Variants in OR56A3 observed in about 807,000 individuals in gnomAD.
The protein encoded by OR56A3 is olfactory receptor 56A3.
In OR56A3, 23 loss-of-function variants were observed where a neutral mutation model predicts 17.5. That is an observed-to-expected ratio of 1.32 (90% CI 0.95 to 1.87). The LOEUF (loss-of-function observed/expected upper bound fraction) is 1.87. Ranked by LOEUF, OR56A3 falls within the 40% of genes most tolerant of loss-of-function variation. The pLI is 0.00. For missense variants in OR56A3, 366 were observed against 380.1 expected (o/e 0.96, Z 0.31); for synonymous variants, 175 against 150.6 (o/e 1.16, Z -1.19).
chr11:5,964,315 G>A, the OR56A3 span, among the ~76,000 whole-genome samples: 1 of 152,170 alleles, frequency 6.6e-6, no homozygotes, highest in East Asian at 1.9e-4. Flanking sequence ...GTTGATGTCT[G>A]CCCATTGAAA....
chr11:5,963,256 G>C, the OR56A3 span, among the ~76,000 whole-genome samples: 1 of 151,958 alleles, frequency 6.6e-6, no homozygotes, highest in Non-Finnish European at 1.5e-5. Flanking sequence ...CTATTTCCTT[G>C]AGGTGCAACA....
At chr11:5,985,615 C>A in the OR56A3 span, among the ~76,000 whole-genome samples, 1 of 152,174 alleles carries the variant, frequency 6.6e-6, no homozygotes, top group Non-Finnish European at 1.5e-5. Context: ...TGTTGCATGG[C>A]CTACCATTGG....
the OR56A3 span, among the ~76,000 whole-genome samples, chr11:6,004,296 G>T: frequency 6.6e-6 from 1 of 152,148 alleles, no homozygotes; most frequent in South Asian, 2.1e-4. Context: ...GGAGGTTGCA[G>T]TGAGCCGAGA....
the OR56A3 span, among the ~76,000 whole-genome samples, chr11:5,987,709 T>C: frequency 2.0e-5 from 3 of 152,166 alleles, no homozygotes; most frequent in African/African-American, 7.2e-5. Flanking sequence ...TCATCCCCTT[T>C]TATTCATTCA....
chr11:6,001,912 T>C, the OR56A3 span: 3 of 749,204 alleles, frequency 4.0e-6, no homozygotes, highest in African/African-American at 3.6e-5. Context: ...CATTGTTGCC[T>C]GAGATATTGA....
At position 5,948,397 on chromosome 11, in the gene OR56A3, G is replaced by A. The variant is rs1847888078; in HGVS notation, c.*103G>A. 1 of 723,566 alleles carries A rather than the reference G, an allele frequency of 1.4e-6. No homozygotes were observed. Among genetic ancestry groups the A allele is most frequent in the South Asian group, 1.9e-5 (1 of 52,392 alleles). 44.8% of individuals were successfully genotyped at this position (723,566 alleles called of 1,614,324 possible). On this transcript the variant is annotated 3_prime_UTR_variant, in exon 3 of 3. Coordinates refer to ENST00000641160, the MANE Select transcript of OR56A3 (RefSeq NM_001003443.3). ...TATCTGTGACTTATAACCTCAAACT[G>A]GGTACACTAGATATTGTGTGTGCTT...
the OR56A3 span, among the ~76,000 whole-genome samples, chr11:5,977,004 C>A: frequency 1.3e-5 from 2 of 152,066 alleles, no homozygotes; most frequent in Non-Finnish European, 2.9e-5. Flanking sequence ...TCACTAAGGA[C>A]AATGGTTTCC....
chr11:5,995,338 A>G, the OR56A3 span, among the ~76,000 whole-genome samples: 2,109 of 152,338 alleles, frequency 0.014, 48 homozygotes, highest in African/African-American at 0.047. Flanking sequence ...TGGACTGGCC[A>G]CATCTCAAGG....
intron 2 of OR56A3, among the ~76,000 whole-genome samples, chr11:5,946,204 C>A (rs141702675): frequency 9.1e-4 from 138 of 152,306 alleles, no homozygotes; most frequent in Admixed American, 2.0e-3. Context: ...ATTTTTCCAG[C>A]CTATCCCCTA....
the OR56A3 span, among the ~76,000 whole-genome samples, chr11:5,998,857 A>G: frequency 4.6e-5 from 7 of 152,190 alleles, no homozygotes; most frequent in African/African-American, 7.2e-5. Context: ...GGACATGGTG[A>G]AAACAGTTTC....
the OR56A3 span, among the ~76,000 whole-genome samples, chr11:6,009,813 TCTC>T: frequency 2.0e-5 from 3 of 152,232 alleles, no homozygotes; most frequent in Admixed American, 2.0e-4. Context: ...TTTGAATGTT[TCTC>T]CTCCTCCCTA....
At chr11:5,992,698 T>A in the OR56A3 span, among the ~76,000 whole-genome samples, 31 of 152,126 alleles carry the variant, frequency 2.0e-4, no homozygotes, top group African/African-American at 6.8e-4. Context: ...CCCAGCAAGT[T>A]CCCAATGAGA....
the OR56A3 span, among the ~76,000 whole-genome samples, chr11:5,982,246 C>T: frequency 9.2e-5 from 14 of 152,204 alleles, no homozygotes; most frequent in South Asian, 2.5e-3. Context: ...GTGGGGTCCA[C>T]GCATACGTGT....
At chr11:6,001,941 T>A in the OR56A3 span, 1 of 1,108,470 alleles carries the variant, frequency 9.0e-7, no homozygotes, top group East Asian at 2.5e-5. Context: ...GAATCCGAAC[T>A]CAGGCAGGAT....
At chr11:5,994,838 A>G in the OR56A3 span, 612 of 760,484 alleles carry the variant, frequency 8.0e-4, 1 homozygote, top group African/African-American at 9.1e-3. Context: ...TTTGCTCTCC[A>G]GCTTCTAGTT....
chr11:5,992,633 T>C, the OR56A3 span, among the ~76,000 whole-genome samples: 1 of 152,178 alleles, frequency 6.6e-6, no homozygotes, highest in Admixed American at 6.5e-5. Context: ...CCCAAGGGCC[T>C]CAACCCCCTT....
At chr11:5,945,267 G>A (rs758538940) in intron 2 of OR56A3, among the ~76,000 whole-genome samples, 185 bp downstream of exon 2, 8 of 152,026 alleles carry the variant, frequency 5.3e-5, no homozygotes, top group South Asian at 4.2e-4. Flanking sequence ...GGGCAAATAC[G>A]TATAATAGAG....
At chr11:5,983,098 T>C in the OR56A3 span, among the ~76,000 whole-genome samples, 4 of 152,204 alleles carry the variant, frequency 2.6e-5, no homozygotes, top group Non-Finnish European at 4.4e-5. Context: ...TTCTCTATTC[T>C]GCTCTCATCA....
the OR56A3 span, chr11:5,994,161 C>A: frequency 2.0e-6 from 1 of 509,898 alleles, no homozygotes. Flanking sequence ...CATTGAGCTG[C>A]TCCATCTGCA....
Sources: gnomAD v4.1 joint callset for allele counts (sites outside exome capture counted in the v4.1 genomes callset) on GRCh38, gnomAD v4.1.1 for gene constraint, MANE v1.5 for transcripts, NCBI Gene and HGNC (gene_info 2026-07-23, HGNC 2026-07-21) for gene names.